PDE4D: variants seen among roughly 807,000 people sequenced by gnomAD.
The protein encoded by PDE4D is 3',5'-cyclic-AMP phosphodiesterase 4D.
PDE4D carries 24 observed loss-of-function variants against 87.4 expected under a neutral mutation model. The observed-to-expected ratio is 0.27, with a 90% CI of 0.20 to 0.39. The LOEUF is 0.39. Among genes scored for constraint, PDE4D ranks in the 10% least tolerant of loss-of-function variants. The probability of loss-of-function intolerance (pLI) is 1.00; values close to 1 mark genes in which losing one functional copy is unlikely to be tolerated. For synonymous variants in PDE4D, 384 were observed against 383.2 expected, an observed-to-expected ratio of 1.00 and a Z score of -0.02; for missense variants, 714 against 1,041.0, an observed-to-expected ratio of 0.69 and a Z score of 4.32.
intron 1 of PDE4D, among the ~76,000 whole-genome samples, chr5:60,257,013 A>G (rs1287177439): frequency 1.3e-5 from 2 of 151,964 alleles, no homozygotes; most frequent in African/African-American, 4.8e-5. Context: ...TAATAAATAC[A>G]TAGAATAAAA....
At chr5:59,144,405 A>C (rs1778324709) in intron 5 of PDE4D, among the ~76,000 whole-genome samples, 1 of 152,228 alleles carries the variant, frequency 6.6e-6, no homozygotes, top group South Asian at 2.1e-4. Context: ...GAATAACTAA[A>C]AAGCTGTAAA....
rs1752990975 is a variant in PDE4D at position 59,703,947 on chromosome 5, A to T, written c.455+189221T>A. Among the ~76,000 whole-genome samples, 2 of 152,174 alleles carry T rather than the reference A, an allele frequency of 1.3e-5. 1 individual carries two copies. Among genetic ancestry groups the T allele is most frequent in the Admixed American group, 1.3e-4 (2 of 15,268 alleles). On this transcript the variant is annotated intron_variant, in intron 1 of 14. Coordinates refer to ENST00000340635, the MANE Select transcript of PDE4D (RefSeq NM_001104631.2). ...AAGAAGGAGAAGGAGTCAGAGGTAG[A>T]GGCAGAGAGAGTAAAAGAAAGAGGG...
intron 2 of PDE4D, among the ~76,000 whole-genome samples, chr5:60,047,241 A>C (rs911582133): frequency 3.3e-5 from 5 of 151,954 alleles, no homozygotes; most frequent in Admixed American, 2.0e-4. Context: ...TATTGCGTCT[A>C]TTTGATTCTT....
At chr5:59,829,649 T>C (rs926050295) in intron 1 of PDE4D, among the ~76,000 whole-genome samples, 6 of 152,088 alleles carry the variant, frequency 3.9e-5, no homozygotes, top group African/African-American at 1.4e-4. Context: ...AATTCATTAG[T>C]AAGACCTACA....
chr5:59,320,987 T>C (rs558753546), intron 1 of PDE4D, among the ~76,000 whole-genome samples: 39 of 152,144 alleles, frequency 2.6e-4, no homozygotes, highest in Non-Finnish European at 4.9e-4. Context: ...GTATTCAATT[T>C]CTAAAGTCGG....
intron 2 of PDE4D, among the ~76,000 whole-genome samples, chr5:60,160,133 T>C (rs1380908895): frequency 6.6e-6 from 1 of 152,106 alleles, no homozygotes; most frequent in East Asian, 1.9e-4. Flanking sequence ...TAAATATCTA[T>C]TTTCACTTTC....
At chr5:59,339,507 GT>G (rs1020499988) in intron 1 of PDE4D, among the ~76,000 whole-genome samples, 2 of 152,174 alleles carry the variant, frequency 1.3e-5, no homozygotes, top group African/African-American at 4.8e-5. Context: ...AAGTTAAACA[GT>G]TTTTTAGCAA....
chr5:59,990,268 T>C (rs184022008), intron 2 of PDE4D, among the ~76,000 whole-genome samples: 3 of 152,290 alleles, frequency 2.0e-5, no homozygotes, highest in Admixed American at 6.5e-5. Context: ...TATAAAGTAT[T>C]TGAAGCACCA....
chr5:58,973,343 G>GCAAA lies in PDE4D; in HGVS notation c.*1317_*1320dup, dbSNP rs1279965204. 6.6e-6 allele frequency: 1 copy of GCAAA among 152,094 alleles called. No homozygotes were observed. Among genetic ancestry groups the GCAAA allele is most frequent in the African/African-American group, 2.4e-5 (1 of 41,418 alleles). 9.4% of individuals were successfully genotyped at this position (152,094 alleles called of 1,614,324 possible). A position where few individuals can be genotyped will look rare whatever the true frequency, so the allele number is the denominator to read the frequency against. Reference sequence around the variant, plus strand: ...GATATATTTGACAAGACCTCATCTAGCAAACATGGATAAGGTTCAGACACA... The same window carrying GCAAA: ...GATATATTTGACAAGACCTCATCTAGCAAACAAACATGGATAAGGTTCAGACACA... On this transcript the variant is annotated 3_prime_UTR_variant, in exon 15 of 15. Coordinates refer to ENST00000340635, the MANE Select transcript of PDE4D (RefSeq NM_001104631.2).
chr5:59,834,730 A>C (rs913056040), intron 1 of PDE4D, among the ~76,000 whole-genome samples: 2 of 152,106 alleles, frequency 1.3e-5, no homozygotes, highest in Admixed American at 6.6e-5. Context: ...TGAACTGTAA[A>C]TACAATTTCA....
At chr5:59,962,415 C>A (rs74773036) in intron 3 of PDE4D, among the ~76,000 whole-genome samples, 1 of 151,824 alleles carries the variant, frequency 6.6e-6, no homozygotes, top group Non-Finnish European at 1.5e-5. Flanking sequence ...AGTGACACTT[C>A]GATGACAAAC....
intron 1 of PDE4D, among the ~76,000 whole-genome samples, chr5:59,639,513 C>T (rs1486092294): frequency 2.0e-5 from 3 of 152,104 alleles, no homozygotes; most frequent in South Asian, 4.1e-4. Flanking sequence ...GTAGAATCAA[C>T]ATGGTACAGA....
chr5:60,097,928 C>T (rs1198710578), intron 2 of PDE4D, among the ~76,000 whole-genome samples: 1 of 151,982 alleles, frequency 6.6e-6, no homozygotes, highest in African/African-American at 2.4e-5. Flanking sequence ...TCTTAATCAA[C>T]AGTTGCAGTG....
At chr5:59,167,216 G>A (rs1581157880) in intron 5 of PDE4D, among the ~76,000 whole-genome samples, 3 of 152,244 alleles carry the variant, frequency 2.0e-5, no homozygotes, top group Non-Finnish European at 1.5e-5. Flanking sequence ...AGCCAGCCAC[G>A]AAACCCCAAT....
chr5:59,347,505 G>A (rs35266), intron 1 of PDE4D, among the ~76,000 whole-genome samples: 100,018 of 151,976 alleles, frequency 0.66, 33,953 homozygotes, highest in Middle Eastern at 0.82. Flanking sequence ...TTAGCTTAAG[G>A]TGTTTATGTT....
chr5:59,603,317 C>T (rs888311374), intron 1 of PDE4D, among the ~76,000 whole-genome samples: 8 of 151,700 alleles, frequency 5.3e-5, no homozygotes, highest in Non-Finnish European at 3.0e-5. Flanking sequence ...AGAAAATAAC[C>T]TTATTGAAAA....
intron 1 of PDE4D, chr5:60,185,710 GT>G (rs1176959673): frequency 1.6e-6 from 1 of 637,260 alleles, no homozygotes; most frequent in Non-Finnish European, 2.8e-6. Flanking sequence ...GGAAGGAAAT[GT>G]TTAATCAAGT....
At chr5:59,157,676 A>C (rs985582869) in intron 5 of PDE4D, among the ~76,000 whole-genome samples, 11 of 152,240 alleles carry the variant, frequency 7.2e-5, no homozygotes, top group African/African-American at 2.7e-4. Flanking sequence ...CATAATTAGG[A>C]TGGAACCTAG....
At chr5:59,957,722 C>T (rs1011651769) in intron 3 of PDE4D, among the ~76,000 whole-genome samples, 2 of 151,806 alleles carry the variant, frequency 1.3e-5, no homozygotes, top group African/African-American at 2.4e-5. Context: ...AATGCTATAA[C>T]GTATTTTCTC....
Sources: gnomAD v4.1 joint callset for allele counts (sites outside exome capture counted in the v4.1 genomes callset) on GRCh38, gnomAD v4.1.1 for gene constraint, MANE v1.5 for transcripts, NCBI Gene and HGNC (gene_info 2026-07-23, HGNC 2026-07-21) for gene names.